Variants in PHLPP1 observed in about 807,000 individuals in gnomAD.
The protein encoded by PHLPP1 is PH domain and leucine rich repeat protein phosphatase 1.
In PHLPP1, 42 loss-of-function variants were observed where a neutral mutation model predicts 117.2. That is an observed-to-expected ratio of 0.36 (90% CI 0.28 to 0.46). The LOEUF is 0.46. Ranked by LOEUF, PHLPP1 falls within the 20% of genes least tolerant of loss-of-function variation. The pLI, the probability that PHLPP1 is intolerant of heterozygous loss-of-function variation, is 1.00. For synonymous variants in PHLPP1, 1,042 were observed against 970.7 expected, an observed-to-expected ratio of 1.07 and a Z score of -1.37; for missense variants, 2,084 against 2,241.9, an observed-to-expected ratio of 0.93 and a Z score of 1.42.
intron 1 of PHLPP1, among the ~76,000 whole-genome samples, chr18:62,749,247 TA>T (rs754057912): frequency 1.3e-5 from 2 of 150,576 alleles, no homozygotes; most frequent in South Asian, 2.1e-4. Context: ...TTTTTTTTTT[TA>T]AATTTAAGTT....
At chr18:62,852,140 A>G (rs1915370551) in intron 3 of PHLPP1, among the ~76,000 whole-genome samples, 2 of 151,978 alleles carry the variant, frequency 1.3e-5, no homozygotes, top group Non-Finnish European at 2.9e-5. Flanking sequence ...TCAGCCTCCC[A>G]AAGTGTAGAA....
At chr18:62,811,140 CAGT>C (rs987384104) in intron 1 of PHLPP1, among the ~76,000 whole-genome samples, 1 of 152,142 alleles carries the variant, frequency 6.6e-6, no homozygotes, top group Non-Finnish European at 1.5e-5. Context: ...AAAAATAATT[CAGT>C]AGTAGAAACA....
intron 1 of PHLPP1, among the ~76,000 whole-genome samples, chr18:62,778,530 C>T (rs1391562225): frequency 6.6e-6 from 1 of 152,100 alleles, no homozygotes; most frequent in Non-Finnish European, 1.5e-5. Context: ...TTCTGAACTC[C>T]CTCTGACTTA....
intron 1 of PHLPP1, among the ~76,000 whole-genome samples, chr18:62,823,756 G>A (rs929321465): frequency 6.6e-6 from 1 of 152,028 alleles, no homozygotes; most frequent in African/African-American, 2.4e-5. Flanking sequence ...TCACAAACTT[G>A]CGAGAAGATG....
At chr18:62,738,071 A>G (rs1008886047) in intron 1 of PHLPP1, among the ~76,000 whole-genome samples, 2 of 152,140 alleles carry the variant, frequency 1.3e-5, no homozygotes, top group Admixed American at 6.5e-5. Flanking sequence ...ACAGTAGGCC[A>G]TCTGTATCCA....
In PHLPP1 at chr18:62,979,542, G is replaced by A; in HGVS notation, c.*111G>A. ...ACTCCACATCCTTCCCCCAGACACT[G>A]TTCCCAACCTGTCATCGCAGCTAAT... On this transcript the variant is annotated 3_prime_UTR_variant, in exon 17 of 17. Coordinates refer to ENST00000262719, the MANE Select transcript of PHLPP1 (RefSeq NM_194449.4). The A allele has an allele frequency of 1.7e-6, 2 of 1,198,416 alleles. No individual in the cohort carries two copies. The highest frequency in any genetic ancestry group is 2.3e-6 in the Non-Finnish European group (2 of 868,770). 74.2% of individuals were successfully genotyped at this position (1,198,416 alleles called of 1,614,324 possible).
At chr18:62,824,772 T>C (rs1914564123) in intron 1 of PHLPP1, among the ~76,000 whole-genome samples, 1 of 151,986 alleles carries the variant, frequency 6.6e-6, no homozygotes, top group Non-Finnish European at 1.5e-5. Context: ...AATGACAAGG[T>C]CTTACTGTGA....
At position 62,927,130 on chromosome 18, in the gene PHLPP1, T is replaced by C. The variant is rs536506360; in HGVS notation, c.2960+7016T>C. Among the ~76,000 whole-genome samples, 12 of 152,248 alleles carry C rather than the reference T, an allele frequency of 7.9e-5. No individual in the cohort carries two copies. In the South Asian group the frequency reaches 2.5e-3, roughly 32 times the overall value. On this transcript the variant is annotated intron_variant, in intron 10 of 16. Coordinates refer to ENST00000262719, the MANE Select transcript of PHLPP1 (RefSeq NM_194449.4). ...AGGAAGCGAAGCAAATGGGGAAAAC[T>C]AAAGGTTCTACAAGACAAGTGAACC... is the stretch of plus-strand genomic sequence containing the variant.
intron 1 of PHLPP1, among the ~76,000 whole-genome samples, chr18:62,795,611 CTACAGGAATCTT>C (rs976399350): frequency 3.9e-5 from 6 of 151,924 alleles, no homozygotes; most frequent in African/African-American, 9.7e-5. Context: ...GACCTCTTCT[CTACAGGAATCTT>C]TACAGGAATC....
chr18:62,786,546 T>C (rs1214335624), intron 1 of PHLPP1, among the ~76,000 whole-genome samples: 2 of 152,152 alleles, frequency 1.3e-5, no homozygotes, highest in Admixed American at 6.5e-5. Flanking sequence ...CCCATTGTCT[T>C]TGCTTTTTGC....
Position 62,750,366 on chromosome 18 carries a change from T to TCCCTGCTCTCCCTCTCTCTCC in PHLPP1, c.1576+33108_1576+33128dup, listed in dbSNP as rs1185642062. ...AATAATCTCTCTCTCTCTCTGTCTCTCCCTGCTCTCCCTCTCTCTCCATCC... is the reference window on the plus strand; with the variant it reads ...AATAATCTCTCTCTCTCTCTGTCTCTCCCTGCTCTCCCTCTCTCTCCCCCTGCTCTCCCTCTCTCTCCATCC... On this transcript the variant is annotated intron_variant, in intron 1 of 16. Coordinates refer to ENST00000262719, the MANE Select transcript of PHLPP1 (RefSeq NM_194449.4). Among the ~76,000 whole-genome samples, 7 of 152,304 alleles carry TCCCTGCTCTCCCTCTCTCTCC rather than the reference T, an allele frequency of 4.6e-5. No homozygotes were observed. The East Asian group carries it at 1.4e-3, about 29-fold the overall frequency.
intron 1 of PHLPP1, among the ~76,000 whole-genome samples, chr18:62,766,076 A>AAAAAAAAAAAAAATATATATAT: frequency 9.2e-5 from 2 of 21,662 alleles, no homozygotes; most frequent in African/African-American, 3.0e-4. Context: ...AAAAAAAAAA[A>AAAAAAAAAAAAAATATATATAT]ATATATATAT....
intron 4 of PHLPP1, among the ~76,000 whole-genome samples, chr18:62,882,135 G>A (rs1029774572): frequency 6.6e-6 from 1 of 152,128 alleles, no homozygotes; most frequent in Non-Finnish European, 1.5e-5. Context: ...ATTGGGACAA[G>A]AATATTAACA....
In PHLPP1 at chr18:62,955,590, G is replaced by A. The variant is rs761103030; in HGVS notation, c.3325-3039G>A. ...GGGAGCAAACAGTCCTGGGCAGAGG[G>A]GAGGCACAGGAACATCATCTCTAAG... On this transcript the variant is annotated intron_variant, in intron 12 of 16. Transcript: ENST00000262719. Among the ~76,000 whole-genome samples the A allele has an allele frequency of 7.9e-5, 12 of 152,198 alleles. No homozygotes were observed. The South Asian group carries it at 2.3e-3, about 29-fold the overall frequency.
intron 1 of PHLPP1, among the ~76,000 whole-genome samples, chr18:62,812,822 A>G (rs887183470): frequency 1.3e-5 from 2 of 152,160 alleles, no homozygotes; most frequent in Non-Finnish European, 2.9e-5. Flanking sequence ...GGTGGAATAT[A>G]GAAGTTGTAG....
chr18:62,935,695 A>G (rs533958041), intron 10 of PHLPP1, among the ~76,000 whole-genome samples: 2 of 152,318 alleles, frequency 1.3e-5, no homozygotes, highest in South Asian at 2.1e-4. Flanking sequence ...ACCAGGAAGT[A>G]TATCTAACAT....
At position 62,979,416 on chromosome 18, in the gene PHLPP1, C is replaced by T. The variant is rs781467965; in HGVS notation, c.5139C>T (p.Tyr1713=). ...HYQLDQLPDY[Y]DTPL Reference sequence around the variant, plus strand: ...AGCTGGACCAGCTGCCAGATTATTACGACACGCCACTATGACCCAGCCGAG... The same window carrying T: ...AGCTGGACCAGCTGCCAGATTATTATGACACGCCACTATGACCCAGCCGAG... Residue 1713 remains tyrosine (Y), a synonymous_variant, in exon 17 of 17, where the codon TAC becomes TAT. Transcript: ENST00000262719. The T allele has an allele frequency of 9.4e-5, 146 of 1,551,166 alleles. No individual in the cohort carries two copies. Among genetic ancestry groups the T allele is most frequent in the African/African-American group, 2.3e-4 (17 of 73,018 alleles).
intron 11 of PHLPP1, among the ~76,000 whole-genome samples, chr18:62,944,428 C>T (rs2144457233): frequency 6.6e-6 from 1 of 152,262 alleles, no homozygotes; most frequent in South Asian, 2.1e-4. Flanking sequence ...AAATTAATTA[C>T]ATTAGAACAT....
chr18:62,766,954 G>T (rs1912560869), intron 1 of PHLPP1, among the ~76,000 whole-genome samples: 3 of 152,116 alleles, frequency 2.0e-5, no homozygotes, highest in Admixed American at 2.0e-4. Flanking sequence ...GTTCTTGGGG[G>T]TGGAAAGTAG....
Sources: gnomAD v4.1 joint callset for allele counts (sites outside exome capture counted in the v4.1 genomes callset) on GRCh38, gnomAD v4.1.1 for gene constraint, MANE v1.5 for transcripts, NCBI Gene and HGNC (gene_info 2026-07-23, HGNC 2026-07-21) for gene names.